MARCHF1: variants seen among roughly 807,000 people sequenced by gnomAD.
MARCHF1 encodes the protein E3 ubiquitin-protein ligase MARCHF1.
MARCHF1 carries 40 observed loss-of-function variants against 54.2 expected under a neutral mutation model. That is an observed-to-expected ratio of 0.74 (90% CI 0.57 to 0.96). The LOEUF is 0.96. MARCHF1 is among the 40% of genes least tolerant of loss of function. The pLI, the probability that MARCHF1 is intolerant of heterozygous loss-of-function variation, is 0.00. For synonymous variants in MARCHF1, 236 were observed against 236.3 expected, an observed-to-expected ratio of 1.00 and a Z score of 0.01; for missense variants, 586 against 656.5, an observed-to-expected ratio of 0.89 and a Z score of 1.17.
At chr4:164,276,411 C>T (rs1201172655) in intron 1 of MARCHF1, among the ~76,000 whole-genome samples, 1 of 152,144 alleles carries the variant, frequency 6.6e-6, no homozygotes, top group East Asian at 1.9e-4. Context: ...TCTCCTCTCA[C>T]TCTATACTAT....
At position 163,612,562 on chromosome 4, in the gene MARCHF1, T is replaced by C; in HGVS notation, c.719A>G (p.Tyr240Cys). 2 of 1,535,626 alleles carry C rather than the reference T, an allele frequency of 1.3e-6. No homozygotes were observed. Among genetic ancestry groups the C allele is most frequent in the Non-Finnish European group, 1.7e-6 (2 of 1,146,558 alleles). ...LNLHRGKHTR[Y>C]QECNPSLTQG... The stretch of plus-strand genomic sequence containing the variant: ...AGTCAGAGAAGGGTTGCATTCTTGG[T>C]ACCTTGTATGTTTTCCTCTGTGGAG... Residue 240 changes from tyrosine to cysteine, a missense_variant, in exon 7 of 10, where the codon TAC becomes TGC. This residue lies in a region of MARCHF1 where 387 missense variants were observed against 394.6 expected (regional missense o/e 0.98). Coordinates refer to ENST00000514618, the MANE Select transcript of MARCHF1 (RefSeq NM_001394959.1).
chr4:164,021,349 T>A (rs1313680555), intron 2 of MARCHF1, among the ~76,000 whole-genome samples: 1 of 152,190 alleles, frequency 6.6e-6, no homozygotes, highest in East Asian at 1.9e-4. Flanking sequence ...TCTTGCTCCA[T>A]CAACTCTGTG....
At chr4:164,113,325 T>C (rs943241359) in intron 1 of MARCHF1, among the ~76,000 whole-genome samples, 6 of 152,110 alleles carry the variant, frequency 3.9e-5, no homozygotes, top group East Asian at 1.9e-4. Context: ...TGCTTCATGA[T>C]TTTAGGTTCC....
chr4:164,149,685 G>T (rs992910305), intron 1 of MARCHF1, among the ~76,000 whole-genome samples: 2 of 151,982 alleles, frequency 1.3e-5, no homozygotes, highest in Non-Finnish European at 2.9e-5. Context: ...TCCTGGTTTT[G>T]GTCAAGAATA....
rs557212565 is a variant in MARCHF1 at position 163,726,607 on chromosome 4, T to G, written c.112-25744A>C. Among the ~76,000 whole-genome samples, 25 of 152,298 alleles carry G rather than the reference T, an allele frequency of 1.6e-4. No homozygotes were observed. In the South Asian group the frequency reaches 5.2e-3, roughly 32 times the overall value. ...TTTTGTGAGGGCATACATTTTCAAC[T>G]CATTTGGGTGAATCCAAAGAAGCAC... On this transcript the variant is annotated intron_variant, in intron 4 of 9. Coordinates refer to ENST00000514618, the MANE Select transcript of MARCHF1 (RefSeq NM_001394959.1).
intron 7 of MARCHF1, among the ~76,000 whole-genome samples, chr4:163,604,059 C>T (rs970253301): frequency 4.1e-4 from 63 of 152,250 alleles, no homozygotes; most frequent in African/African-American, 1.4e-3. Flanking sequence ...CTTTCCCCCT[C>T]CCAGGGAATA....
intron 1 of MARCHF1, among the ~76,000 whole-genome samples, chr4:164,216,550 GCAAA>G (rs1322981931): frequency 1.3e-5 from 2 of 152,014 alleles, no homozygotes; most frequent in Non-Finnish European, 2.9e-5. Flanking sequence ...GAACCCAGGG[GCAAA>G]CAAAGAAATA....
At chr4:164,050,873 C>T (rs192735481) in intron 2 of MARCHF1, among the ~76,000 whole-genome samples, 6 of 152,122 alleles carry the variant, frequency 3.9e-5, no homozygotes, top group South Asian at 2.1e-4. Flanking sequence ...GCGGAGGTTG[C>T]GGTGAGCCGA....
intron 1 of MARCHF1, among the ~76,000 whole-genome samples, chr4:164,206,220 T>C (rs1731602303): frequency 6.6e-6 from 1 of 152,170 alleles, no homozygotes; most frequent in African/African-American, 2.4e-5. Context: ...GCAGATCACC[T>C]GAGGTCAGGA....
At chr4:164,041,107 T>C (rs529394997) in intron 2 of MARCHF1, among the ~76,000 whole-genome samples, 5 of 152,258 alleles carry the variant, frequency 3.3e-5, no homozygotes, top group Admixed American at 6.5e-5. Flanking sequence ...CATATTGTAT[T>C]GTGAAACTGA....
intron 8 of MARCHF1, among the ~76,000 whole-genome samples, chr4:163,577,154 T>A (rs1740067726): frequency 6.6e-6 from 1 of 151,980 alleles, no homozygotes; most frequent in South Asian, 2.1e-4. Context: ...CTTTATAGGG[T>A]CTGTTTTGTA....
intron 1 of MARCHF1, among the ~76,000 whole-genome samples, chr4:164,307,243 G>A (rs1412231952): frequency 6.6e-6 from 1 of 152,140 alleles, no homozygotes; most frequent in Admixed American, 6.5e-5. Context: ...CTTGTGCTAA[G>A]GAATTTGGAA....
chr4:164,132,273 T>G (rs1756316844), intron 1 of MARCHF1, among the ~76,000 whole-genome samples: 1 of 152,168 alleles, frequency 6.6e-6, no homozygotes, highest in African/African-American at 2.4e-5. Flanking sequence ...ACCTTAATTT[T>G]TTTAAACAAT....
chr4:163,731,052 A>G (rs1336934942), intron 4 of MARCHF1, among the ~76,000 whole-genome samples: 1 of 152,190 alleles, frequency 6.6e-6, no homozygotes, highest in Non-Finnish European at 1.5e-5. Flanking sequence ...AAATGACTTA[A>G]GGATAAACAA....
At chr4:163,813,508 A>C (rs909651969) in intron 4 of MARCHF1, among the ~76,000 whole-genome samples, 1 of 152,182 alleles carries the variant, frequency 6.6e-6, no homozygotes, top group Non-Finnish European at 1.5e-5. Flanking sequence ...CACACATCTG[A>C]CTTCTACAAA....
chr4:163,910,101 A>G (rs971260387), intron 3 of MARCHF1, among the ~76,000 whole-genome samples: 10 of 152,186 alleles, frequency 6.6e-5, no homozygotes, highest in Non-Finnish European at 1.5e-4. Context: ...CATCTAACAT[A>G]TAAGAACAAA....
intron 4 of MARCHF1, among the ~76,000 whole-genome samples, chr4:163,839,906 T>A (rs1344254491): frequency 6.6e-6 from 1 of 151,748 alleles, no homozygotes; most frequent in Non-Finnish European, 1.5e-5. Flanking sequence ...AGAAAAAAAA[T>A]GTACAATAGA....
intron 4 of MARCHF1, among the ~76,000 whole-genome samples, chr4:163,822,588 T>A (rs1027358063): frequency 4.6e-5 from 7 of 151,920 alleles, no homozygotes; most frequent in Non-Finnish European, 8.8e-5. Flanking sequence ...ACAAAAAATT[T>A]ATTTTAAAAA....
chr4:163,714,000 A>G (rs971750382), intron 4 of MARCHF1, among the ~76,000 whole-genome samples: 3 of 152,246 alleles, frequency 2.0e-5, no homozygotes, highest in African/African-American at 7.2e-5. Flanking sequence ...AATTTGCAGT[A>G]AGATTGTACG....
Sources: gnomAD v4.1 joint callset for allele counts (sites outside exome capture counted in the v4.1 genomes callset) on GRCh38, gnomAD v4.1.1 for gene constraint, gnomAD v4.1.1 regional missense constraint, MANE v1.5 for transcripts, NCBI Gene and HGNC (gene_info 2026-07-23, HGNC 2026-07-21) for gene names.